Variants in MGA observed in about 807,000 individuals in gnomAD.
MGA encodes MAX dimerization protein MGA.
In MGA, 40 loss-of-function variants were observed where a neutral mutation model predicts 261.1. That is an observed-to-expected ratio of 0.15 (90% CI 0.12 to 0.20). MGA has a LOEUF of 0.20. Among genes scored for constraint, MGA ranks in the 10% least tolerant of loss-of-function variants. MGA has a pLI of 1.00. For synonymous variants in MGA, 1,302 were observed against 1,290.6 expected (o/e 1.01, Z -0.19); for missense variants, 3,397 against 3,630.5 (o/e 0.94, Z 1.65).
chr15:41,674,605 C>T (rs1326530781), intron 2 of MGA, among the ~76,000 whole-genome samples: 5 of 151,944 alleles, frequency 3.3e-5, no homozygotes, highest in Admixed American at 6.6e-5. Flanking sequence ...CTGCAACCTC[C>T]GCCTCCTGGG....
chr15:41,695,454 T>C (rs1353748545), intron 2 of MGA, among the ~76,000 whole-genome samples: 2 of 152,198 alleles, frequency 1.3e-5, no homozygotes, highest in Non-Finnish European at 2.9e-5. Flanking sequence ...CCCAAAGTAG[T>C]GGGATTACAG....
At position 41,766,228 on chromosome 15, in the gene MGA, A is replaced by G. The variant is rs769929257; in HGVS notation, c.8146A>G (p.Thr2716Ala). Residue 2716 changes from threonine (T) to alanine (A), a missense_variant, in exon 24 of 24, where the codon ACG (threonine) becomes GCG (alanine). By Grantham distance (58) the Thr-to-Ala change is moderately conservative. Around this residue, in one of 9 missense-constraint regions of MGA, gnomAD observed 647 missense variants for 642.4 expected, o/e 1.01. Transcript: ENST00000219905. ...AGATGGCAGAGTGACGTTGGGTCCA[A>G]CGCAGGTTTTTCTGGCAAACAAAGA... 2.5e-6 allele frequency: 4 copies of G among 1,613,886 alleles called. No individual in the cohort carries two copies. Among genetic ancestry groups the G allele is most frequent in the African/African-American group, 2.7e-5 (2 of 74,958 alleles).
At chr15:41,757,182 G>A (rs1008122969) in intron 18 of MGA, among the ~76,000 whole-genome samples, 10 of 152,064 alleles carry the variant, frequency 6.6e-5, no homozygotes, top group Non-Finnish European at 7.4e-5. Context: ...CCTCCTTCAC[G>A]GATGGGAAGA....
chr15:41,664,147 A>G (rs1346066792), intron 1 of MGA, among the ~76,000 whole-genome samples: 2 of 152,220 alleles, frequency 1.3e-5, no homozygotes, highest in African/African-American at 4.8e-5. Flanking sequence ...AACCGGCCTT[A>G]TACAAATCAT....
intron 11 of MGA, among the ~76,000 whole-genome samples, chr15:41,730,995 T>C (rs2061480764): frequency 6.6e-6 from 1 of 152,198 alleles, no homozygotes; most frequent in Non-Finnish European, 1.5e-5. Flanking sequence ...TATCTTTAAG[T>C]GAAGAGCAAA....
rs537318159 is a variant in MGA, at chr15:41,703,702, A to C, written c.2189-4026A>C. Among the ~76,000 whole-genome samples the C allele has an allele frequency of 3.0e-4, 45 of 152,256 alleles. 1 individual carries two copies. The highest frequency in any genetic ancestry group is 1.0e-3 in the African/African-American group (42 of 41,552). ...GGTTGCAGTGAGTGGAGATCCTGCC[A>C]CTGCACTCCAGCCTGGGCAACAGAG... On this transcript the variant is annotated intron_variant, in intron 5 of 23. Transcript: ENST00000219905.
chr15:41,700,462 T>C (rs931871645), intron 5 of MGA, among the ~76,000 whole-genome samples: 2 of 152,210 alleles, frequency 1.3e-5, no homozygotes, highest in Admixed American at 1.3e-4. Flanking sequence ...GTTCTCATTG[T>C]TCATCTCCCA....
chr15:41,750,663 A>G, intron 17 of MGA, 48 bp downstream of exon 17: 2 of 1,498,312 alleles, frequency 1.3e-6, no homozygotes, highest in East Asian at 2.4e-5. Context: ...GATTTAAATG[A>G]TTTATTAAAG....
chr15:41,735,834 C>T (rs2061750284), intron 12 of MGA, among the ~76,000 whole-genome samples: 1 of 152,116 alleles, frequency 6.6e-6, no homozygotes, highest in Non-Finnish European at 1.5e-5. Flanking sequence ...TTCACTTTGC[C>T]TGTATGTATA....
chr15:41,749,151 C>T lies in MGA; in HGVS notation c.5544C>T (p.Pro1848=). 6.2e-7 allele frequency: 1 copy of T among 1,613,990 alleles called. No homozygotes were observed. Among genetic ancestry groups the T allele is most frequent in the Non-Finnish European group, 8.5e-7 (1 of 1,179,890 alleles). The change falls in exon 17 of 24, where the codon CCC becomes CCT. Residue 1848 remains proline, a synonymous_variant. Transcript: ENST00000219905. ...TCCGGTTACCTGCTCCTTCCAAACC[C>T]TCTGAGACTCCGCCATCTTCCACTT...
At chr15:41,745,352 G>A (rs2062397116) in intron 15 of MGA, among the ~76,000 whole-genome samples, 1 of 148,188 alleles carries the variant, frequency 6.7e-6, no homozygotes, top group African/African-American at 2.5e-5. Context: ...CATAATAGAG[G>A]TTAACCCTAT....
At chr15:41,644,421 C>T (rs1010940785) in intron 1 of MGA, among the ~76,000 whole-genome samples, 46 of 150,818 alleles carry the variant, frequency 3.1e-4, no homozygotes, top group African/African-American at 7.8e-4. Flanking sequence ...TTAGGGAGGC[C>T]GAGGTTGGAG....
rs75274068 is a variant in MGA, at chr15:41,715,920, A to G, written c.3430+2424A>G. Among the ~76,000 whole-genome samples, 611 of 152,342 alleles carry G rather than the reference A, an allele frequency of 4.0e-3. 5 individuals are homozygous for G. Among genetic ancestry groups the G allele is most frequent in the African/African-American group, 0.014 (570 of 41,566 alleles). ...ACAAGCATTTCCATTTCAAAGCAACAAAAATAAAATACGGAAGCCCACATA... is the reference window on the plus strand; with the variant it reads ...ACAAGCATTTCCATTTCAAAGCAACGAAAATAAAATACGGAAGCCCACATA... On this transcript the variant is annotated intron_variant, in intron 9 of 23. Coordinates refer to ENST00000219905, the MANE Select transcript of MGA (RefSeq NM_001164273.2).
At chr15:41,698,169 C>T (rs2059641908) in intron 3 of MGA, among the ~76,000 whole-genome samples, 2 of 71,136 alleles carry the variant, frequency 2.8e-5, no homozygotes, top group South Asian at 1.2e-3. Context: ...TGCCCCTGGC[C>T]TCTTTTTTTT....
At position 41,668,942 on chromosome 15, in the gene MGA, A is replaced by G; in HGVS notation, c.48A>G (p.Thr16=). 1 of 1,601,448 alleles carries G rather than the reference A, an allele frequency of 6.2e-7. No homozygotes were observed. Among genetic ancestry groups the G allele is most frequent in the Non-Finnish European group, 8.5e-7 (1 of 1,170,584 alleles). ...TATTGGCTAATCAAGATGGTGGAAC[A>G]GTGGCAGGAGCAGCACCTACCTTCT... is the stretch of plus-strand genomic sequence containing the variant. The change falls in exon 2 of 24, where the codon ACA becomes ACG. Residue 16 remains threonine, a synonymous_variant. Coordinates refer to ENST00000219905, the MANE Select transcript of MGA (RefSeq NM_001164273.2).
upstream of MGA, among the ~76,000 whole-genome samples, chr15:41,659,697 G>C (rs889110052): frequency 1.3e-5 from 2 of 152,178 alleles, no homozygotes; most frequent in Non-Finnish European, 2.9e-5. Context: ...AACAAAAATT[G>C]AATGCACAGG....
Position 41,707,827 on chromosome 15 carries a change from G to C in MGA, c.2288G>C (p.Trp763Ser). 1 of 1,613,656 alleles carries C rather than the reference G, an allele frequency of 6.2e-7. No homozygotes were observed. The highest frequency in any genetic ancestry group is 8.5e-7 in the Non-Finnish European group (1 of 1,179,770). Reference sequence around the variant, plus strand: ...GCTCCAGCTACTAGCTTTCCTTTTTGGAACCTTACAGGAACCAACCCTGCC... The same window carrying C: ...GCTCCAGCTACTAGCTTTCCTTTTTCGAACCTTACAGGAACCAACCCTGCC... The change falls in exon 6 of 24, where the codon TGG becomes TCG. Residue 763 changes from tryptophan (W) to serine (S), a missense_variant. Trp to Ser is a radical substitution (Grantham distance 177). This residue lies in a region of MGA where 519 missense variants were observed against 554.1 expected (regional missense o/e 0.94). Coordinates refer to ENST00000219905, the MANE Select transcript of MGA (RefSeq NM_001164273.2).
chr15:41,683,227 T>G (rs1483420496), intron 2 of MGA, among the ~76,000 whole-genome samples: 3 of 152,084 alleles, frequency 2.0e-5, no homozygotes. Flanking sequence ...GTGCTTTATT[T>G]TTTTAAATTG....
intron 11 of MGA, among the ~76,000 whole-genome samples, chr15:41,730,946 G>A (rs754697077): frequency 6.6e-6 from 1 of 152,180 alleles, no homozygotes; most frequent in African/African-American, 2.4e-5. Context: ...TATAAGTCAT[G>A]TATTTGTGAT....
Sources: allele counts gnomAD v4.1 joint callset (sites outside exome capture counted in the v4.1 genomes callset), GRCh38; gene constraint gnomAD v4.1.1; regional missense constraint gnomAD v4.1.1; transcripts MANE v1.5; gene names NCBI Gene and HGNC (gene_info 2026-07-23, HGNC 2026-07-21).